EIF5B: variants seen among roughly 807,000 people sequenced by gnomAD.
EIF5B encodes the protein eukaryotic translation initiation factor 5B.
In EIF5B, 47 loss-of-function variants were observed where a neutral mutation model predicts 147.5. That is an observed-to-expected ratio of 0.32 (90% confidence interval 0.25 to 0.41). EIF5B has a LOEUF of 0.41. Ranked by LOEUF, EIF5B falls within the 10% of genes least tolerant of loss-of-function variation. EIF5B has a pLI of 1.00. For missense variants in EIF5B, 1,064 were observed against 1,413.2 expected (o/e 0.75, Z 3.96); for synonymous variants, 455 against 456.2 (o/e 1.00, Z 0.03).
At chr2:99,390,135 T>TG in intron 15 of EIF5B, 84 bp from the exon 16 acceptor site, 5 of 1,466,046 alleles carry the variant, frequency 3.4e-6, no homozygotes, top group Non-Finnish European at 4.7e-6. Context: ...ATGAGCCATT[T>TG]GCTCATCCGG....
intron 1 of EIF5B, among the ~76,000 whole-genome samples, chr2:99,339,666 CTTA>C (rs1434350492): frequency 6.6e-6 from 1 of 152,094 alleles, no homozygotes; most frequent in Non-Finnish European, 1.5e-5. Context: ...CGCGATCCGG[CTTA>C]TATGTTTCCC....
intron 21 of EIF5B, 135 bp from the exon 22 acceptor site, chr2:99,396,625 T>G (rs1574943304): frequency 1.8e-6 from 2 of 1,102,648 alleles, no homozygotes; most frequent in East Asian, 5.0e-5. Context: ...TGCAGCACCC[T>G]GCCTGCCCCT....
Position 99,394,548 on chromosome 2 carries a change from G to A in EIF5B, c.3052G>A (p.Val1018Ile), listed in dbSNP as rs1329588749. ...INIGPVHKKDVMKASVMLEHD... is the reference protein window; with the variant it reads ...INIGPVHKKDIMKASVMLEHD... ...CATTGGCCCAGTGCATAAAAAAGAT[G>A]TTATGAAGGCTTCAGTGATGTTGGA... The change falls in exon 20 of 24, where the codon GTT becomes ATT. Residue 1018 changes from valine (V) to isoleucine (I), a missense_variant. Val to Ile is a conservative substitution (Grantham distance 29). Coordinates refer to ENST00000289371, the MANE Select transcript of EIF5B (RefSeq NM_015904.4). 1 of 1,614,174 alleles carries A rather than the reference G, an allele frequency of 6.2e-7. No individual in the cohort carries two copies. The highest frequency in any genetic ancestry group is 8.5e-7 in the Non-Finnish European group (1 of 1,180,032).
chr2:99,389,703 A>G lies in EIF5B; in HGVS notation c.2272-15A>G. The G allele has an allele frequency of 6.3e-7, 1 of 1,580,926 alleles. No individual in the cohort carries two copies. Among genetic ancestry groups the G allele is most frequent in the Non-Finnish European group, 8.5e-7 (1 of 1,171,198 alleles). On this transcript the variant is annotated splice_polypyrimidine_tract_variant and intron_variant, in intron 14 of 23. Coordinates refer to ENST00000289371, the MANE Select transcript of EIF5B (RefSeq NM_015904.4). ...GAATTTTTTAGAGATCTTTCTCATG[A>G]AAAAACTTTTTCAGATTGATAGGTT...
rs779678281 is a variant in EIF5B, at chr2:99,399,363, G to A, written c.3612G>A (p.Lys1204=). The A allele has an allele frequency of 1.2e-6, 2 of 1,614,172 alleles. No individual in the cohort carries two copies. Among genetic ancestry groups the A allele is most frequent in the Non-Finnish European group, 1.7e-6 (2 of 1,180,022 alleles). Residue 1204 remains lysine, a synonymous_variant, in exon 24 of 24, where the codon AAG becomes AAA. Coordinates refer to ENST00000289371, the MANE Select transcript of EIF5B (RefSeq NM_015904.4). ...LKDWFRDEMQ[K]SDWQLIVELK... is the part of the protein sequence containing the mutation. The stretch of plus-strand genomic sequence containing the variant: ...ACTGGTTCAGAGATGAAATGCAGAA[G>A]AGTGACTGGCAGCTTATTGTGGAGC...
intron 15 of EIF5B, 143 bp downstream of exon 15, chr2:99,389,992 TCTC>T: frequency 7.9e-7 from 1 of 1,259,748 alleles, no homozygotes; most frequent in Admixed American, 2.7e-5. Context: ...TCTTCCCTTT[TCTC>T]CTTTTTCTTT....
intron 1 of EIF5B, among the ~76,000 whole-genome samples, chr2:99,350,382 T>C (rs527667061): frequency 2.9e-4 from 37 of 127,934 alleles, no homozygotes; most frequent in Middle Eastern, 4.2e-3. Flanking sequence ...CTAATGGCTG[T>C]ACTAATTTAC....
chr2:99,343,166 G>T (rs563435175), intron 1 of EIF5B, among the ~76,000 whole-genome samples: 1 of 151,732 alleles, frequency 6.6e-6, no homozygotes, highest in African/African-American at 2.4e-5. Flanking sequence ...ATGTTGGCCA[G>T]GCTGGTCTCG....
chr2:99,384,196 CA>C (rs770493783), intron 14 of EIF5B, among the ~76,000 whole-genome samples: 12 of 117,432 alleles, frequency 1.0e-4, no homozygotes, highest in South Asian at 5.4e-4. Flanking sequence ...GACTCCGTCT[CA>C]AAAAAAAAAA....
chr2:99,369,614 C>T lies in EIF5B; in HGVS notation c.1477+133C>T, dbSNP rs952723857. 26 of 595,012 alleles carry T rather than the reference C, an allele frequency of 4.4e-5. No individual in the cohort carries two copies. In the South Asian group the frequency reaches 5.9e-4, roughly 14 times the overall value. The allele number at this position is 595,012 out of a possible 1,614,324, so 36.9% of individuals were successfully genotyped here. Reference sequence around the variant, plus strand: ...ATCTGGCTGGATGGCCCTCTTTCTTCATAGTTCTTTCTTTTCTATTTCTTT... The same window carrying T: ...ATCTGGCTGGATGGCCCTCTTTCTTTATAGTTCTTTCTTTTCTATTTCTTT... On this transcript the variant is annotated intron_variant, in intron 8 of 23. Coordinates refer to ENST00000289371, the MANE Select transcript of EIF5B (RefSeq NM_015904.4).
At chr2:99,377,877 T>C (rs1228057558) in intron 10 of EIF5B, among the ~76,000 whole-genome samples, 2 of 152,176 alleles carry the variant, frequency 1.3e-5, no homozygotes, top group Non-Finnish European at 2.9e-5. Flanking sequence ...AGAATCTCCA[T>C]TGTGGAATGG....
chr2:99,338,387 A>T (rs2094249404), intron 1 of EIF5B: 6 of 1,261,758 alleles, frequency 4.8e-6, no homozygotes, highest in Non-Finnish European at 6.2e-6. Flanking sequence ...GAAAGAGTTG[A>T]CTTCCTGGGA....
At chr2:99,398,637 T>C in intron 22 of EIF5B, 111 bp from the exon 23 acceptor site, 1 of 1,201,412 alleles carries the variant, frequency 8.3e-7, no homozygotes, top group Non-Finnish European at 1.1e-6. Flanking sequence ...CGCACTGCCA[T>C]GACTTTTAAA....
intron 23 of EIF5B, 177 bp downstream of exon 23, chr2:99,399,086 G>T: frequency 1.2e-6 from 1 of 836,452 alleles, no homozygotes. Flanking sequence ...GCTCTATCAG[G>T]AAAGCAGCAC....
rs1308191710 is a variant in EIF5B, at chr2:99,396,770, G to A, written c.3265G>A (p.Val1089Ile). ...QKQEEFKHIA[V>I]FPCKIKILPQ... ...CTTTTTTCCTTTCAGGCACATAGCA[G>A]TATTTCCCTGCAAGATAAAAATCCT... is the stretch of plus-strand genomic sequence containing the variant. Residue 1089 changes from valine (V) to isoleucine (I), a missense_variant, in exon 22 of 24, where the codon GTA (valine) becomes ATA (isoleucine). Val to Ile is a conservative substitution (Grantham distance 29). Transcript: ENST00000289371. The A allele has an allele frequency of 3.1e-6, 5 of 1,609,592 alleles. No individual in the cohort carries two copies. The highest frequency in any genetic ancestry group is 2.2e-5 in the East Asian group (1 of 44,756).
At chr2:99,387,887 G>C (rs1162620238) in intron 14 of EIF5B, among the ~76,000 whole-genome samples, 1 of 152,020 alleles carries the variant, frequency 6.6e-6, no homozygotes, top group African/African-American at 2.4e-5. Context: ...TACCCAGGCT[G>C]GTCTCGAACA....
intron 1 of EIF5B, among the ~76,000 whole-genome samples, chr2:99,341,335 C>T (rs777345441): frequency 2.6e-5 from 4 of 152,178 alleles, no homozygotes; most frequent in African/African-American, 4.8e-5. Context: ...CCTATCCTGA[C>T]GCTTTAGGAA....
intron 1 of EIF5B, among the ~76,000 whole-genome samples, chr2:99,348,100 C>T (rs1165683099): frequency 6.6e-6 from 1 of 152,014 alleles, no homozygotes; most frequent in Non-Finnish European, 1.5e-5. Flanking sequence ...GGGGCGTCTA[C>T]AAGATTTGTA....
intron 9 of EIF5B, among the ~76,000 whole-genome samples, chr2:99,374,275 C>T (rs1371055046): frequency 8.2e-5 from 10 of 121,816 alleles, no homozygotes; most frequent in African/African-American, 3.0e-4. Context: ...GGCGACAGAG[C>T]GAGACTCTTA....
Sources: gnomAD v4.1 joint callset for allele counts (sites outside exome capture counted in the v4.1 genomes callset) on GRCh38, gnomAD v4.1.1 for gene constraint, MANE v1.5 for transcripts, NCBI Gene and HGNC (gene_info 2026-07-23, HGNC 2026-07-21) for gene names.